Variants in ZBTB7C observed in about 807,000 individuals in gnomAD.
ZBTB7C encodes the protein zinc finger and BTB domain containing 7C.
In ZBTB7C, 8 loss-of-function variants were observed where a neutral mutation model predicts 25.7. That is an observed-to-expected ratio of 0.31 (90% confidence interval 0.18 to 0.56). The LOEUF (loss-of-function observed/expected upper bound fraction) is 0.56. Ranked by LOEUF, ZBTB7C falls within the 20% of genes least tolerant of loss-of-function variation. ZBTB7C has a pLI of 0.91. For synonymous variants in ZBTB7C, 394 were observed against 369.0 expected, an observed-to-expected ratio of 1.07 and a Z score of -0.78; for missense variants, 824 against 855.2, an observed-to-expected ratio of 0.96 and a Z score of 0.46.
chr18:48,092,962 T>A (rs891254362), intron 3 of ZBTB7C, among the ~76,000 whole-genome samples: 2 of 152,160 alleles, frequency 1.3e-5, no homozygotes, highest in African/African-American at 4.8e-5. Context: ...CACTAAACAC[T>A]GAGGATGGAG....
At chr18:48,273,344 T>C (rs961602716) in intron 2 of ZBTB7C, among the ~76,000 whole-genome samples, 20 of 152,030 alleles carry the variant, frequency 1.3e-4, no homozygotes, top group Admixed American at 1.2e-3. Context: ...GTTATTATCA[T>C]AGAGATGGAC....
intron 1 of ZBTB7C, among the ~76,000 whole-genome samples, chr18:48,350,111 C>T (rs1249508543): frequency 2.0e-5 from 3 of 152,192 alleles, no homozygotes; most frequent in East Asian, 3.8e-4. Context: ...TATTAGCTTT[C>T]TATTACTGCT....
chr18:48,376,527 G>A (rs1317033059), intron 1 of ZBTB7C, among the ~76,000 whole-genome samples: 1 of 152,212 alleles, frequency 6.6e-6, no homozygotes, highest in Non-Finnish European at 1.5e-5. Flanking sequence ...CTGGAAGCAG[G>A]ACTGTCACTC....
intron 3 of ZBTB7C, among the ~76,000 whole-genome samples, chr18:48,115,207 A>G (rs189754133): frequency 6.1e-4 from 93 of 151,836 alleles, no homozygotes; most frequent in African/African-American, 2.1e-3. Flanking sequence ...TTCACTTAGT[A>G]CAGGGTTTTC....
intron 2 of ZBTB7C, among the ~76,000 whole-genome samples, chr18:48,233,824 T>C (rs1297443955): frequency 1.3e-5 from 2 of 152,206 alleles, no homozygotes; most frequent in Non-Finnish European, 2.9e-5. Context: ...GGGAGGCTGC[T>C]TGTGGCAAAG....
In ZBTB7C at chr18:48,165,887, C is replaced by T. The variant is rs74919241; in HGVS notation, c.-17+20047G>A. 6.6e-3 allele frequency among the ~76,000 whole-genome samples: 999 copies of T among 152,238 alleles called. 12 individuals carry two copies. Among genetic ancestry groups the T allele is most frequent in the African/African-American group, 0.023 (942 of 41,520 alleles). On this transcript the variant is annotated intron_variant, in intron 3 of 4. Coordinates refer to ENST00000590800, the MANE Select transcript of ZBTB7C (RefSeq NM_001318841.2). ...AAAGGGTGGGGAGAGGCCTGCATGC[C>T]GAGCTAGTAGGGCCTGGATTCAAAG... is the stretch of plus-strand genomic sequence containing the variant.
rs150144952 is a variant in ZBTB7C at position 48,357,543 on chromosome 18, T to A, written c.-303-19145A>T. 5.9e-3 allele frequency among the ~76,000 whole-genome samples: 893 copies of A among 152,294 alleles called. 12 individuals are homozygous for A. Among genetic ancestry groups the A allele is most frequent in the African/African-American group, 0.02 (844 of 41,572 alleles). ...GGAGGGCCCAGGAATTCTCCCCAGG[T>A]GCCCCGGGCAGTGTAGGACTCCTCA... On this transcript the variant is annotated intron_variant, in intron 1 of 4. Coordinates refer to ENST00000590800, the MANE Select transcript of ZBTB7C (RefSeq NM_001318841.2).
chr18:48,323,573 A>T (rs745405527), intron 2 of ZBTB7C, among the ~76,000 whole-genome samples: 1 of 152,176 alleles, frequency 6.6e-6, no homozygotes, highest in Non-Finnish European at 1.5e-5. Flanking sequence ...AGTCCTTTGC[A>T]GTTCTATGAC....
intron 3 of ZBTB7C, among the ~76,000 whole-genome samples, chr18:48,118,112 T>C (rs767176266): frequency 2.6e-5 from 4 of 151,850 alleles, no homozygotes; most frequent in Non-Finnish European, 5.9e-5. Flanking sequence ...TTCAAGCGAT[T>C]CCCCTGCCTC....
At chr18:48,183,629 G>A (rs1385495401) in intron 3 of ZBTB7C, among the ~76,000 whole-genome samples, 2 of 152,172 alleles carry the variant, frequency 1.3e-5, no homozygotes, top group South Asian at 2.1e-4. Context: ...GTGCTCACAC[G>A]CATGAGAATA....
At chr18:48,099,436 C>A (rs1020255383) in intron 3 of ZBTB7C, among the ~76,000 whole-genome samples, 1 of 152,222 alleles carries the variant, frequency 6.6e-6, no homozygotes, top group Non-Finnish European at 1.5e-5. Context: ...ACTGACTCTG[C>A]GGGCTTTCCC....
chr18:48,313,436 G>C (rs545351932), intron 2 of ZBTB7C, among the ~76,000 whole-genome samples: 3 of 152,308 alleles, frequency 2.0e-5, no homozygotes, highest in Admixed American at 6.5e-5. Flanking sequence ...AATTGTGGGG[G>C]TCAGGCAGCA....
chr18:48,301,437 C>T (rs550069355), intron 2 of ZBTB7C, among the ~76,000 whole-genome samples: 4 of 152,312 alleles, frequency 2.6e-5, no homozygotes, highest in African/African-American at 9.6e-5. Flanking sequence ...CAAGATCGCA[C>T]CACTACACTC....
intron 2 of ZBTB7C, among the ~76,000 whole-genome samples, chr18:48,240,745 T>C (rs1189953893): frequency 6.6e-6 from 1 of 152,178 alleles, no homozygotes; most frequent in Non-Finnish European, 1.5e-5. Context: ...TAGAACCTCC[T>C]TAAAGCATAA....
chr18:48,369,799 G>T (rs978393336), intron 1 of ZBTB7C, among the ~76,000 whole-genome samples: 4 of 152,060 alleles, frequency 2.6e-5, no homozygotes, highest in Admixed American at 2.6e-4. Flanking sequence ...ACAATTACAC[G>T]TTCAGAGTTC....
intron 3 of ZBTB7C, among the ~76,000 whole-genome samples, chr18:48,159,952 C>T (rs1293564593): frequency 1.3e-5 from 2 of 152,198 alleles, no homozygotes; most frequent in Non-Finnish European, 2.9e-5. Flanking sequence ...GACAAGAACC[C>T]CTGCAGGAAC....
chr18:48,138,037 C>A (rs2040228076), intron 3 of ZBTB7C, among the ~76,000 whole-genome samples: 1 of 152,264 alleles, frequency 6.6e-6, no homozygotes. Context: ...CCTCTGCTGA[C>A]TGTTCTCAGA....
intron 3 of ZBTB7C, among the ~76,000 whole-genome samples, chr18:48,116,160 C>G (rs1478240779): frequency 6.6e-6 from 1 of 152,000 alleles, no homozygotes; most frequent in Non-Finnish European, 1.5e-5. Context: ...CACAAATGCT[C>G]CCTGGTGCCC....
intron 3 of ZBTB7C, among the ~76,000 whole-genome samples, chr18:48,128,235 C>T (rs1341560023): frequency 6.6e-6 from 1 of 152,212 alleles, no homozygotes; most frequent in Non-Finnish European, 1.5e-5. Flanking sequence ...TCATCCTCCT[C>T]TCCATTTAGC....
Sources: gnomAD v4.1 joint callset for allele counts (sites outside exome capture counted in the v4.1 genomes callset) on GRCh38, gnomAD v4.1.1 for gene constraint, MANE v1.5 for transcripts, NCBI Gene and HGNC (gene_info 2026-07-23, HGNC 2026-07-21) for gene names.